The following MBNL1 variants were observed in gnomAD, a reference collection of about 807,000 sequenced individuals.
MBNL1 encodes the protein muscleblind like splicing regulator 1, also known as muscleblind-like protein 1.
In MBNL1, 8 loss-of-function variants were observed where a neutral mutation model predicts 42.2. The observed-to-expected ratio is 0.19, with a 90% CI of 0.11 to 0.34. MBNL1 has a LOEUF of 0.34. Ranked by LOEUF, MBNL1 falls within the 10% of genes least tolerant of loss-of-function variation. The pLI, the probability that MBNL1 is intolerant of heterozygous loss-of-function variation, is 1.00. For missense variants in MBNL1, 309 were observed against 495.3 expected (o/e 0.62, Z 3.57); for synonymous variants, 169 against 173.9 (o/e 0.97, Z 0.22).
intron 4 of MBNL1, among the ~76,000 whole-genome samples, 200 bp from the exon 5 acceptor site, chr3:152,445,082 T>C (rs1415683338): frequency 6.6e-6 from 1 of 152,212 alleles, no homozygotes; most frequent in Non-Finnish European, 1.5e-5. Flanking sequence ...TGCATTTTCT[T>C]ATGGACATTT....
At position 152,298,454 on chromosome 3, in the gene MBNL1, A is replaced by G. The variant is rs374705018; in HGVS notation, c.-789-951A>G. Among the ~76,000 whole-genome samples the G allele has an allele frequency of 3.0e-3, 457 of 152,348 alleles. 1 individual carries two copies. Among genetic ancestry groups the G allele is most frequent in the Non-Finnish European group, 5.4e-3 (370 of 68,026 alleles). On this transcript the variant is annotated intron_variant, in intron 1 of 9. Transcript: ENST00000324210. ...GTTTGGAATTGTACTTCTGAAGTGC[A>G]TCACGCTGCTCAAATCAAATTGCTC...
intron 2 of MBNL1, among the ~76,000 whole-genome samples, chr3:152,307,075 C>T (rs561581499): frequency 6.7e-6 from 1 of 150,320 alleles, no homozygotes; most frequent in Non-Finnish European, 1.5e-5. Flanking sequence ...TTGTAACCTT[C>T]GCCTCCCACG....
intron 2 of MBNL1, among the ~76,000 whole-genome samples, chr3:152,380,615 A>G (rs761885252): frequency 1.3e-5 from 2 of 152,118 alleles, no homozygotes; most frequent in Admixed American, 6.5e-5. Context: ...TATGAGCTGA[A>G]AAGAGTAATA....
intron 6 of MBNL1, among the ~76,000 whole-genome samples, chr3:152,452,032 A>G (rs927933337): frequency 6.6e-6 from 1 of 152,252 alleles, no homozygotes; most frequent in Non-Finnish European, 1.5e-5. Flanking sequence ...GGAGAGTGGA[A>G]GTAGCCCTTA....
chr3:152,260,303 C>T (rs1176005746), intron 2 of MBNL1, among the ~76,000 whole-genome samples: 1 of 152,134 alleles, frequency 6.6e-6, no homozygotes, highest in African/African-American at 2.4e-5. Context: ...AAGCCCATTG[C>T]AGAAACATGG....
At chr3:152,270,995 A>G (rs796714973) in intron 1 of MBNL1, among the ~76,000 whole-genome samples, 4 of 152,276 alleles carry the variant, frequency 2.6e-5, no homozygotes, top group African/African-American at 7.2e-5. Context: ...ATCAGATTTC[A>G]TTATTACTAA....
chr3:152,291,493 A>G (rs1314688885), intron 1 of MBNL1, among the ~76,000 whole-genome samples: 1 of 152,190 alleles, frequency 6.6e-6, no homozygotes, highest in Non-Finnish European at 1.5e-5. Flanking sequence ...TCCCCAATAT[A>G]CTAAACCATA....
chr3:152,327,999 G>A (rs2081539327), intron 2 of MBNL1, among the ~76,000 whole-genome samples: 1 of 152,002 alleles, frequency 6.6e-6, no homozygotes, highest in African/African-American at 2.4e-5. Context: ...GAATTGATGA[G>A]AGAATAATGA....
At chr3:152,309,979 C>A (rs547279430) in intron 2 of MBNL1, among the ~76,000 whole-genome samples, 3 of 152,066 alleles carry the variant, frequency 2.0e-5, no homozygotes, top group Admixed American at 2.0e-4. Flanking sequence ...TTAAAATGTT[C>A]CAGTAGAACA....
At chr3:152,318,238 C>T (rs1167154955) in intron 2 of MBNL1, among the ~76,000 whole-genome samples, 1 of 152,132 alleles carries the variant, frequency 6.6e-6, no homozygotes, top group South Asian at 2.1e-4. Context: ...AACAGGTCAC[C>T]GTTGGAAGAA....
chr3:152,257,100 C>T (rs1039545087), intron 2 of MBNL1, among the ~76,000 whole-genome samples: 6 of 152,058 alleles, frequency 3.9e-5, no homozygotes, highest in Non-Finnish European at 8.8e-5. Context: ...GTATGATGAC[C>T]ACCATACTAT....
chr3:152,387,765 A>T (rs1210511355), intron 2 of MBNL1, among the ~76,000 whole-genome samples: 2 of 152,220 alleles, frequency 1.3e-5, no homozygotes, highest in African/African-American at 4.8e-5. Flanking sequence ...GTAATTTTAT[A>T]ATTATATTTA....
intron 2 of MBNL1, among the ~76,000 whole-genome samples, chr3:152,322,633 G>A (rs188765496): frequency 1.2e-4 from 18 of 152,108 alleles, no homozygotes; most frequent in African/African-American, 2.4e-4. Flanking sequence ...GTTATTTTAC[G>A]TGACAGTTTT....
intron 2 of MBNL1, among the ~76,000 whole-genome samples, chr3:152,328,673 A>C (rs2152548436): frequency 6.6e-6 from 1 of 152,332 alleles, no homozygotes; most frequent in South Asian, 2.1e-4. Flanking sequence ...GATCTTTAAA[A>C]GGAGTGATAT....
At chr3:152,315,921 A>G (rs935123661) in intron 2 of MBNL1, among the ~76,000 whole-genome samples, 1 of 152,066 alleles carries the variant, frequency 6.6e-6, no homozygotes, top group African/African-American at 2.4e-5. Context: ...ATGCGCGCGC[A>G]CACACCCACA....
chr3:152,425,631 T>C (rs977182173), intron 3 of MBNL1, among the ~76,000 whole-genome samples: 3 of 148,192 alleles, frequency 2.0e-5, no homozygotes, highest in African/African-American at 7.4e-5. Context: ...AAGAAAGAAA[T>C]GCAAATCAAA....
chr3:152,258,856 G>A (rs2035829370), intron 2 of MBNL1, among the ~76,000 whole-genome samples: 1 of 152,128 alleles, frequency 6.6e-6, no homozygotes, highest in Admixed American at 6.6e-5. Context: ...TCTGATATTG[G>A]TGCCAAACAT....
chr3:152,354,366 G>A (rs77201553), intron 2 of MBNL1, among the ~76,000 whole-genome samples: 10,980 of 152,130 alleles, frequency 0.072, 530 homozygotes, highest in East Asian at 0.14. Context: ...GAGGCAGAAG[G>A]ATCACTTGAT....
intron 2 of MBNL1, among the ~76,000 whole-genome samples, chr3:152,410,360 T>C (rs527912234): frequency 1.3e-4 from 20 of 152,226 alleles, no homozygotes; most frequent in Non-Finnish European, 2.5e-4. Context: ...ATGACTGTTA[T>C]TGGTCTCATA....
Sources: gnomAD v4.1 joint callset for allele counts (sites outside exome capture counted in the v4.1 genomes callset) on GRCh38, gnomAD v4.1.1 for gene constraint, MANE v1.5 for transcripts, NCBI Gene and HGNC (gene_info 2026-07-23, HGNC 2026-07-21) for gene names.